The following CMTM6 variants were observed in gnomAD, a reference collection of about 807,000 sequenced individuals.
CMTM6 encodes CKLF like MARVEL transmembrane domain containing 6.
A neutral mutation model predicts 13.6 loss-of-function variants in CMTM6; 5 were observed. The observed-to-expected ratio is 0.37, with a 90% confidence interval of 0.19 to 0.77. The LOEUF (loss-of-function observed/expected upper bound fraction) is 0.77, where lower values mean the gene tolerates loss of function less well. CMTM6 is among the 30% of genes least tolerant of loss of function. The probability of loss-of-function intolerance (pLI) is 0.50; values close to 1 mark genes in which losing one functional copy is unlikely to be tolerated. For missense variants in CMTM6, 196 were observed against 218.6 expected (o/e 0.90, Z 0.65); for synonymous variants, 99 against 84.5 (o/e 1.17, Z -0.94).
At chr3:32,493,239 T>G (rs960721792) in intron 1 of CMTM6, among the ~76,000 whole-genome samples, 1 of 152,238 alleles carries the variant, frequency 6.6e-6, no homozygotes, top group Non-Finnish European at 1.5e-5. Context: ...AGATGCCTAC[T>G]GGCCATGGCA....
At chr3:32,491,550 G>C (rs1697249909) in intron 2 of CMTM6, among the ~76,000 whole-genome samples, 160 bp downstream of exon 2, 1 of 152,048 alleles carries the variant, frequency 6.6e-6, no homozygotes, top group South Asian at 2.1e-4. Context: ...CCATCCCCTT[G>C]GTAGGAAAAA....
At chr3:32,490,138 C>T (rs568181788) in intron 2 of CMTM6, among the ~76,000 whole-genome samples, 89 of 151,720 alleles carry the variant, frequency 5.9e-4, no homozygotes, top group African/African-American at 1.9e-3. Context: ...CCCAGCTATT[C>T]GGGAGGCTGA....
intron 1 of CMTM6, among the ~76,000 whole-genome samples, chr3:32,494,496 G>C (rs1697273481): frequency 2.0e-5 from 3 of 152,164 alleles, no homozygotes; most frequent in Admixed American, 2.0e-4. Context: ...TCTACCATAT[G>C]ACCCAGAAAT....
chr3:32,485,359 T>A (rs1202146559), intron 3 of CMTM6, among the ~76,000 whole-genome samples: 1 of 152,068 alleles, frequency 6.6e-6, no homozygotes, highest in Non-Finnish European at 1.5e-5. Context: ...ATTAAATATA[T>A]CCAATGAAAT....
At chr3:32,492,929 A>T (rs1449694073) in intron 1 of CMTM6, among the ~76,000 whole-genome samples, 1 of 152,238 alleles carries the variant, frequency 6.6e-6, no homozygotes, top group Non-Finnish European at 1.5e-5. Context: ...TCTGAAGTGA[A>T]GTGAGATCTT....
intron 1 of CMTM6, among the ~76,000 whole-genome samples, chr3:32,502,389 G>T (rs988114848): frequency 5.9e-5 from 9 of 152,238 alleles, no homozygotes; most frequent in Admixed American, 5.9e-4. Context: ...GCCCCAGTTC[G>T]TGGGATCCCG....
intron 1 of CMTM6, among the ~76,000 whole-genome samples, chr3:32,497,988 T>A (rs1697311020): frequency 6.6e-6 from 1 of 152,154 alleles, no homozygotes; most frequent in Non-Finnish European, 1.5e-5. Flanking sequence ...AAGAAATTCA[T>A]GGTAAACATA....
chr3:32,481,780 T>C lies in CMTM6; in HGVS notation c.*2180A>G, dbSNP rs1031624496. 2 of 152,174 alleles carry C rather than the reference T, an allele frequency of 1.3e-5. No homozygotes were observed. Among genetic ancestry groups the C allele is most frequent in the Non-Finnish European group, 1.5e-5 (1 of 68,014 alleles). 9.4% of individuals were successfully genotyped at this position (152,174 alleles called of 1,614,324 possible). ...AAGGAAGGTTCTAAGAGTGACCAAA[T>C]ATACCAGTGAACATACTATCTTTCT... On this transcript the variant is annotated 3_prime_UTR_variant, in exon 4 of 4. Transcript: ENST00000205636.
At chr3:32,490,497 TGAAAG>T (rs1697241904) in intron 2 of CMTM6, among the ~76,000 whole-genome samples, 1 of 152,160 alleles carries the variant, frequency 6.6e-6, no homozygotes, top group African/African-American at 2.4e-5. Flanking sequence ...TAAAAAGACT[TGAAAG>T]GAATACAGCA....
intron 2 of CMTM6, among the ~76,000 whole-genome samples, chr3:32,491,090 C>A (rs1697246814): frequency 6.6e-6 from 1 of 152,224 alleles, no homozygotes; most frequent in Admixed American, 6.5e-5. Context: ...ATGGCATTAG[C>A]CATGACAGCA....
At position 32,484,215 on chromosome 3, in the gene CMTM6, C is replaced by T. The variant is rs537394910; in HGVS notation, c.415-118G>A. The T allele has an allele frequency of 5.9e-5, 55 of 928,738 alleles. No individual in the cohort carries two copies. In the East Asian group the frequency reaches 6.0e-4, roughly 10 times the overall value. The allele number at this position is 928,738 out of a possible 1,614,324, so 57.5% of individuals were successfully genotyped here. A position where few individuals can be genotyped will look rare whatever the true frequency, so the allele number is the denominator to read the frequency against. On this transcript the variant is annotated intron_variant, in intron 3 of 3. Transcript: ENST00000205636. ...ATGTTCATGAATTTTATCTTATACA[C>T]GACTACTCTTTAATGGTAAAAAAAA... is the stretch of plus-strand genomic sequence containing the variant.
chr3:32,490,903 C>A (rs1321550273), intron 2 of CMTM6, among the ~76,000 whole-genome samples: 2 of 152,106 alleles, frequency 1.3e-5, no homozygotes, highest in African/African-American at 4.8e-5. Context: ...CCAGCTCAGA[C>A]ACTTGAGAAC....
At chr3:32,502,167 A>G (rs1202279595) in intron 1 of CMTM6, among the ~76,000 whole-genome samples, 1 of 152,256 alleles carries the variant, frequency 6.6e-6, no homozygotes, top group Non-Finnish European at 1.5e-5. Flanking sequence ...CCAGCAAGTT[A>G]AACTGCCCCC....
At chr3:32,502,544 C>G (rs1697354588) in intron 1 of CMTM6, 64 bp downstream of exon 1, 3 of 1,539,558 alleles carry the variant, frequency 1.9e-6, no homozygotes, top group Non-Finnish European at 2.6e-6. Context: ...GCTCGGCGGC[C>G]TCCCAAGCCC....
chr3:32,498,201 C>T (rs1369524031), intron 1 of CMTM6, among the ~76,000 whole-genome samples: 4 of 152,062 alleles, frequency 2.6e-5, no homozygotes, highest in Admixed American at 2.6e-4. Context: ...GTCAGGAGGG[C>T]CCTTAGCGGA....
At chr3:32,486,344 T>C (rs1042710270) in intron 3 of CMTM6, among the ~76,000 whole-genome samples, 1 of 152,184 alleles carries the variant, frequency 6.6e-6, no homozygotes, top group Non-Finnish European at 1.5e-5. Context: ...CTACATTAAC[T>C]CAAGGTTTTC....
At chr3:32,497,673 C>A (rs1160712996) in intron 1 of CMTM6, among the ~76,000 whole-genome samples, 1 of 151,696 alleles carries the variant, frequency 6.6e-6, no homozygotes, top group Non-Finnish European at 1.5e-5. Flanking sequence ...GCCTGGCCAA[C>A]ATAATGAAAC....
intron 1 of CMTM6, among the ~76,000 whole-genome samples, chr3:32,496,693 T>C (rs964469853): frequency 6.6e-6 from 1 of 152,104 alleles, no homozygotes; most frequent in Non-Finnish European, 1.5e-5. Flanking sequence ...CGGAGAAGGA[T>C]GAGTGGAAAA....
At position 32,483,741 on chromosome 3, in the gene CMTM6, A is replaced by G. The variant is rs1180709682; in HGVS notation, c.*219T>C. ...CCTCCCACCAAAATCTCCATTTGAG[A>G]TAAGTTTCAATTATTATTTAAAAAA... On this transcript the variant is annotated 3_prime_UTR_variant, in exon 4 of 4. Coordinates refer to ENST00000205636, the MANE Select transcript of CMTM6 (RefSeq NM_017801.3). 2 of 330,564 alleles carry G rather than the reference A, an allele frequency of 6.1e-6. No homozygotes were observed. Among genetic ancestry groups the G allele is most frequent in the Admixed American group, 9.4e-5 (2 of 21,254 alleles). 20.5% of individuals were successfully genotyped at this position (330,564 alleles called of 1,614,324 possible). A position where few individuals can be genotyped will look rare whatever the true frequency, so the allele number is the denominator to read the frequency against.
Sources: gnomAD v4.1 joint callset for allele counts (sites outside exome capture counted in the v4.1 genomes callset) on GRCh38, gnomAD v4.1.1 for gene constraint, MANE v1.5 for transcripts, NCBI Gene and HGNC (gene_info 2026-07-23, HGNC 2026-07-21) for gene names.